GNA12: variants seen among roughly 807,000 people sequenced by gnomAD.
The protein encoded by GNA12 is guanine nucleotide-binding protein subunit alpha-12.
A neutral mutation model predicts 26.0 loss-of-function variants in GNA12; 9 were observed. That is an observed-to-expected ratio of 0.35 (90% CI 0.21 to 0.60). The LOEUF (loss-of-function observed/expected upper bound fraction) is 0.60. Ranked by LOEUF, GNA12 falls within the 20% of genes least tolerant of loss-of-function variation. The pLI is 0.78. For synonymous variants in GNA12, 264 were observed against 219.6 expected (o/e 1.20, Z -1.79); for missense variants, 405 against 525.8 (o/e 0.77, Z 2.25).
At chr7:2,801,181 T>C (rs918908401) in intron 1 of GNA12, among the ~76,000 whole-genome samples, 1 of 152,084 alleles carries the variant, frequency 6.6e-6, no homozygotes, top group Admixed American at 6.5e-5. Context: ...CCTCCCGCTA[T>C]CCGGGAAGGC....
intron 1 of GNA12, among the ~76,000 whole-genome samples, chr7:2,827,157 C>A (rs1035692983): frequency 2.0e-5 from 3 of 152,050 alleles, no homozygotes; most frequent in Admixed American, 6.5e-5. Flanking sequence ...TATATGATTC[C>A]ATTTATATGA....
At chr7:2,837,890 A>G (rs182531841) in intron 1 of GNA12, among the ~76,000 whole-genome samples, 3 of 152,318 alleles carry the variant, frequency 2.0e-5, no homozygotes, top group East Asian at 3.9e-4. Flanking sequence ...AAAAGATAAT[A>G]TAATCTCCTA....
At chr7:2,732,888 C>G (rs1054535194) in intron 3 of GNA12, among the ~76,000 whole-genome samples, 12 of 152,202 alleles carry the variant, frequency 7.9e-5, no homozygotes, top group Admixed American at 7.9e-4. Context: ...GTTGTTGATT[C>G]AAACTCTGCT....
At chr7:2,780,874 G>A (rs1792210020) in intron 2 of GNA12, among the ~76,000 whole-genome samples, 1 of 152,102 alleles carries the variant, frequency 6.6e-6, no homozygotes, top group Non-Finnish European at 1.5e-5. Context: ...CCTAGGATTG[G>A]GATTACTGAG....
chr7:2,763,162 G>C, intron 2 of GNA12: 1 of 1,137,430 alleles, frequency 8.8e-7, no homozygotes, highest in Middle Eastern at 3.6e-4. Flanking sequence ...CTGCTGACAA[G>C]AGGTTAGCAG....
At chr7:2,795,251 G>T in intron 1 of GNA12, 108 bp from the exon 2 acceptor site, 1 of 800,124 alleles carries the variant, frequency 1.2e-6, no homozygotes. Flanking sequence ...AAACTCACAA[G>T]CTCTGAGCTG....
At chr7:2,770,120 C>A (rs1791911653) in intron 2 of GNA12, among the ~76,000 whole-genome samples, 1 of 152,148 alleles carries the variant, frequency 6.6e-6, no homozygotes, top group Non-Finnish European at 1.5e-5. Context: ...CAACATTATT[C>A]AACTGCATAG....
At chr7:2,797,735 A>G (rs917736009) in intron 1 of GNA12, among the ~76,000 whole-genome samples, 7 of 152,138 alleles carry the variant, frequency 4.6e-5, no homozygotes, top group African/African-American at 1.7e-4. Flanking sequence ...GCTGACCAGG[A>G]CGGTCTGGTT....
intron 2 of GNA12, among the ~76,000 whole-genome samples, chr7:2,756,141 C>G (rs1016346956): frequency 6.6e-6 from 1 of 152,026 alleles, no homozygotes; most frequent in Non-Finnish European, 1.5e-5. Flanking sequence ...CAGAAACAGG[C>G]CCCCACATAT....
Position 2,840,764 on chromosome 7 carries a change from T to C in GNA12, c.309+3089A>G, listed in dbSNP as rs567894807. On this transcript the variant is annotated intron_variant, in intron 1 of 3. Coordinates refer to ENST00000275364, the MANE Select transcript of GNA12 (RefSeq NM_007353.3). ...ACTTGGGAGGCTGAGGTGGGAGGAT[T>C]GCTTGAGCCCACGAGGCGACGCAAG... Among the ~76,000 whole-genome samples, 3 of 152,180 alleles carry C rather than the reference T, an allele frequency of 2.0e-5. No individual in the cohort carries two copies. In the South Asian group the frequency reaches 6.3e-4, roughly 32 times the overall value.
intron 1 of GNA12, among the ~76,000 whole-genome samples, chr7:2,816,773 T>C (rs140754186): frequency 4.7e-4 from 72 of 152,304 alleles, no homozygotes; most frequent in Middle Eastern, 3.4e-3. Flanking sequence ...CTAGCACACA[T>C]TAACTCATTC....
At chr7:2,814,729 A>G in intron 1 of GNA12, 2 of 704,038 alleles carry the variant, frequency 2.8e-6, no homozygotes, top group South Asian at 3.6e-5. Context: ...CTCCTTGCAT[A>G]TAACGGCCTT....
At chr7:2,780,399 A>G (rs888670155) in intron 2 of GNA12, among the ~76,000 whole-genome samples, 6 of 152,170 alleles carry the variant, frequency 3.9e-5, no homozygotes, top group African/African-American at 1.4e-4. Context: ...ATAACAATAT[A>G]GGAAAAATGC....
chr7:2,803,394 G>A (rs1792864056), intron 1 of GNA12, among the ~76,000 whole-genome samples: 1 of 152,222 alleles, frequency 6.6e-6, no homozygotes, highest in South Asian at 2.1e-4. Flanking sequence ...CCCGTGGCAG[G>A]TGGGACAGGA....
intron 2 of GNA12, among the ~76,000 whole-genome samples, chr7:2,793,523 A>T (rs1046971762): frequency 6.6e-6 from 1 of 152,170 alleles, no homozygotes; most frequent in Admixed American, 6.5e-5. Flanking sequence ...CTATTAGCAG[A>T]CTATATAGCA....
intron 1 of GNA12, among the ~76,000 whole-genome samples, chr7:2,813,646 G>A (rs1232092075): frequency 6.6e-6 from 1 of 152,132 alleles, no homozygotes; most frequent in Non-Finnish European, 1.5e-5. Context: ...AAATGGAAAT[G>A]GAGGCAATCG....
intron 1 of GNA12, among the ~76,000 whole-genome samples, chr7:2,817,568 TCTTCA>T (rs2115491377): frequency 6.6e-6 from 1 of 152,360 alleles, no homozygotes; most frequent in South Asian, 2.1e-4. Context: ...ATTATATATT[TCTTCA>T]CTTACTCATT....
At chr7:2,752,365 C>T (rs548594480) in intron 2 of GNA12, among the ~76,000 whole-genome samples, 16 of 152,300 alleles carry the variant, frequency 1.1e-4, no homozygotes, top group African/African-American at 3.1e-4. Flanking sequence ...AGTACTTTCA[C>T]CCTAACACTG....
chr7:2,803,868 C>G (rs1394531524), intron 1 of GNA12, among the ~76,000 whole-genome samples: 1 of 152,126 alleles, frequency 6.6e-6, no homozygotes, highest in Non-Finnish European at 1.5e-5. Flanking sequence ...ATCTCCTGAA[C>G]TGGAAAGTGA....
Sources: gnomAD v4.1 joint callset for allele counts (sites outside exome capture counted in the v4.1 genomes callset) on GRCh38, gnomAD v4.1.1 for gene constraint, MANE v1.5 for transcripts, NCBI Gene and HGNC (gene_info 2026-07-23, HGNC 2026-07-21) for gene names.